The following FSTL4 variants were observed in gnomAD, a reference collection of about 807,000 sequenced individuals.
FSTL4 encodes follistatin-related protein 4.
In FSTL4, 28 loss-of-function variants were observed where a neutral mutation model predicts 78.2. The ratio of observed to expected loss-of-function variants is 0.36; its 90% CI spans 0.27 to 0.49. The LOEUF (loss-of-function observed/expected upper bound fraction) is 0.49. FSTL4 is among the 20% of genes least tolerant of loss of function. FSTL4 has a pLI of 0.98. For missense variants in FSTL4, 922 were observed against 1,084.9 expected, an observed-to-expected ratio of 0.85 and a Z score of 2.11; for synonymous variants, 422 against 440.5, an observed-to-expected ratio of 0.96 and a Z score of 0.53.
chr5:133,470,746 A>AAAAATAAAAT (rs61460224), intron 3 of FSTL4, among the ~76,000 whole-genome samples: 8,844 of 126,830 alleles, frequency 0.07, 482 homozygotes, highest in African/African-American at 0.15. Flanking sequence ...ACTCTGCCTC[A>AAAAATAAAAT]AAAATAAAAT....
At chr5:133,221,911 T>TTTG (rs1751136295) in intron 11 of FSTL4, among the ~76,000 whole-genome samples, 2 of 115,844 alleles carry the variant, frequency 1.7e-5, no homozygotes, top group African/African-American at 8.6e-5. Flanking sequence ...TTTTTTTTTT[T>TTTG]TTTTTTTTTT....
chr5:133,692,678 CAGG>C, the FSTL4 span, among the ~76,000 whole-genome samples: 1 of 152,184 alleles, frequency 6.6e-6, no homozygotes, highest in African/African-American at 2.4e-5. Flanking sequence ...TGTCTGGCCA[CAGG>C]AGATGTGAGA....
At chr5:133,731,761 G>T in the FSTL4 span, among the ~76,000 whole-genome samples, 2 of 152,156 alleles carry the variant, frequency 1.3e-5, no homozygotes, top group African/African-American at 4.8e-5. Flanking sequence ...ATCCCCCAAG[G>T]TGCAAGGAGC....
chr5:133,233,590 A>T (rs749476615), intron 7 of FSTL4, 53 bp from the exon 8 acceptor site: 4 of 1,599,802 alleles, frequency 2.5e-6, no homozygotes, highest in Non-Finnish European at 3.4e-6. Flanking sequence ...AACGGGCTGG[A>T]AACCATAGCT....
At chr5:133,796,017 G>C in the FSTL4 span, among the ~76,000 whole-genome samples, 1 of 152,140 alleles carries the variant, frequency 6.6e-6, no homozygotes, top group Non-Finnish European at 1.5e-5. Flanking sequence ...TTCTCCCCTG[G>C]TCACTAGTCC....
intron 3 of FSTL4, among the ~76,000 whole-genome samples, chr5:133,512,560 A>G (rs1230485929): frequency 1.3e-5 from 2 of 152,236 alleles, no homozygotes; most frequent in Non-Finnish European, 2.9e-5. Context: ...ATGTCCTTCA[A>G]TTATACTGCT....
chr5:133,829,625 C>T, the FSTL4 span, among the ~76,000 whole-genome samples: 1 of 152,182 alleles, frequency 6.6e-6, no homozygotes, highest in South Asian at 2.1e-4. Context: ...AGAAAGGGTT[C>T]ATGGTTTTGC....
At chr5:133,527,698 G>T (rs1759165979) in intron 3 of FSTL4, among the ~76,000 whole-genome samples, 1 of 152,172 alleles carries the variant, frequency 6.6e-6, no homozygotes, top group African/African-American at 2.4e-5. Context: ...TCTCTCCATT[G>T]CACTTTTCCT....
chr5:133,371,363 G>T (rs1195433832), intron 4 of FSTL4, among the ~76,000 whole-genome samples: 1 of 152,234 alleles, frequency 6.6e-6, no homozygotes, highest in Non-Finnish European at 1.5e-5. Context: ...ACTCTTGAGG[G>T]TTTATCCCAT....
intron 6 of FSTL4, among the ~76,000 whole-genome samples, chr5:133,267,421 GCCGC>G (rs996694167): frequency 1.1e-4 from 16 of 152,176 alleles, no homozygotes; most frequent in Admixed American, 6.5e-5. Context: ...CATATCCACA[GCCGC>G]ATAAGCCCCA....
At chr5:133,763,272 C>T in the FSTL4 span, among the ~76,000 whole-genome samples, 2 of 152,230 alleles carry the variant, frequency 1.3e-5, no homozygotes, top group African/African-American at 2.4e-5. Context: ...CCAATTACTG[C>T]TCTTCCATTG....
chr5:133,732,880 A>T, the FSTL4 span, among the ~76,000 whole-genome samples: 1 of 152,174 alleles, frequency 6.6e-6, no homozygotes, highest in East Asian at 1.9e-4. Flanking sequence ...CAGCCAGTGA[A>T]CAGGGAGATG....
chr5:133,540,537 T>C (rs913602007), intron 3 of FSTL4, among the ~76,000 whole-genome samples: 9 of 152,046 alleles, frequency 5.9e-5, no homozygotes, highest in Non-Finnish European at 1.2e-4. Flanking sequence ...CAAAGAACCT[T>C]ATAGGTACCC....
At chr5:133,532,080 A>G (rs1283801788) in intron 3 of FSTL4, among the ~76,000 whole-genome samples, 1 of 152,254 alleles carries the variant, frequency 6.6e-6, no homozygotes, top group Non-Finnish European at 1.5e-5. Flanking sequence ...AGGAGGGCTC[A>G]ATACAATCAC....
At chr5:133,459,945 C>A (rs1332664033) in intron 3 of FSTL4, among the ~76,000 whole-genome samples, 5 of 152,182 alleles carry the variant, frequency 3.3e-5, no homozygotes, top group Admixed American at 2.6e-4. Flanking sequence ...AAAATAGGAT[C>A]TGGAGGCAGG....
At chr5:133,636,992 G>C in the FSTL4 span, among the ~76,000 whole-genome samples, 1 of 152,146 alleles carries the variant, frequency 6.6e-6, no homozygotes, top group Non-Finnish European at 1.5e-5. Context: ...GCTGGAATCT[G>C]CACTGTTTGG....
At chr5:133,664,817 A>T in the FSTL4 span, among the ~76,000 whole-genome samples, 1 of 152,098 alleles carries the variant, frequency 6.6e-6, no homozygotes, top group Non-Finnish European at 1.5e-5. Context: ...AGCTTAGAGC[A>T]TCATGAATCA....
At chr5:133,814,866 C>T in the FSTL4 span, among the ~76,000 whole-genome samples, 2 of 152,202 alleles carry the variant, frequency 1.3e-5, no homozygotes, top group Non-Finnish European at 2.9e-5. Context: ...AAGTTCTAAA[C>T]TGTGCCCTAA....
At chr5:133,810,014 G>A in the FSTL4 span, among the ~76,000 whole-genome samples, 1 of 152,340 alleles carries the variant, frequency 6.6e-6, no homozygotes, top group East Asian at 1.9e-4. Flanking sequence ...ACACAAAGAG[G>A]AGCAATGCAC....
Sources: gnomAD v4.1 joint callset for allele counts (sites outside exome capture counted in the v4.1 genomes callset) on GRCh38, gnomAD v4.1.1 for gene constraint, MANE v1.5 for transcripts, NCBI Gene and HGNC (gene_info 2026-07-23, HGNC 2026-07-21) for gene names.